ADGRL3: variants seen among roughly 807,000 people sequenced by gnomAD.
ADGRL3 encodes adhesion G protein-coupled receptor L3.
ADGRL3 carries 62 observed loss-of-function variants against 153.5 expected under a neutral mutation model. That is an observed-to-expected ratio of 0.40 (90% CI 0.33 to 0.50). The LOEUF (loss-of-function observed/expected upper bound fraction) is 0.50. ADGRL3 is among the 20% of genes least tolerant of loss of function. The pLI is 0.47. For missense variants in ADGRL3, 1,641 were observed against 1,859.4 expected, an observed-to-expected ratio of 0.88 and a Z score of 2.16; for synonymous variants, 710 against 672.5, an observed-to-expected ratio of 1.06 and a Z score of -0.86.
intron 2 of ADGRL3, among the ~76,000 whole-genome samples, chr4:61,399,005 G>C (rs2096899482): frequency 1.3e-5 from 2 of 151,354 alleles, no homozygotes; most frequent in Admixed American, 6.6e-5. Flanking sequence ...ACTTACTCTT[G>C]GGTTACTTGA....
chr4:61,382,402 C>T (rs1274800898), intron 1 of ADGRL3, among the ~76,000 whole-genome samples: 4 of 151,278 alleles, frequency 2.6e-5, no homozygotes, highest in African/African-American at 9.7e-5. Flanking sequence ...GTTGCAAAAC[C>T]ATTAGAAAAT....
intron 17 of ADGRL3, among the ~76,000 whole-genome samples, chr4:61,957,550 T>TATTG (rs2098972181): frequency 8.3e-5 from 1 of 12,036 alleles, no homozygotes; most frequent in Admixed American, 2.1e-3. Flanking sequence ...TACATTTATG[T>TATTG]ATTTATTTAT....
chr4:61,329,896 C>T (rs529785170), intron 1 of ADGRL3, among the ~76,000 whole-genome samples: 9 of 152,260 alleles, frequency 5.9e-5, no homozygotes, highest in Admixed American at 2.0e-4. Flanking sequence ...TACAAACACA[C>T]CTCAGAAAAC....
At chr4:61,863,722 A>G (rs2098372371) in intron 9 of ADGRL3, among the ~76,000 whole-genome samples, 1 of 152,212 alleles carries the variant, frequency 6.6e-6, no homozygotes, top group African/African-American at 2.4e-5. Flanking sequence ...GGCATTTTGT[A>G]ACTTTAAGGT....
chr4:61,712,578 A>G (rs903664611), intron 6 of ADGRL3, among the ~76,000 whole-genome samples: 1 of 152,192 alleles, frequency 6.6e-6, no homozygotes, highest in African/African-American at 2.4e-5. Context: ...AGTGCTCAGT[A>G]CAATGCCAAG....
intron 9 of ADGRL3, among the ~76,000 whole-genome samples, chr4:61,847,312 T>C (rs1318572359): frequency 6.6e-6 from 1 of 151,398 alleles, no homozygotes; most frequent in Non-Finnish European, 1.5e-5. Flanking sequence ...AAGTGCTAAC[T>C]TGAATAAATT....
At chr4:61,710,407 C>G (rs1036837604) in intron 6 of ADGRL3, among the ~76,000 whole-genome samples, 2 of 152,102 alleles carry the variant, frequency 1.3e-5, no homozygotes, top group Non-Finnish European at 2.9e-5. Context: ...TTTGGAATGT[C>G]CCTTATTCTC....
At chr4:61,850,534 TC>T (rs2098189423) in intron 9 of ADGRL3, among the ~76,000 whole-genome samples, 1 of 152,180 alleles carries the variant, frequency 6.6e-6, no homozygotes, top group Non-Finnish European at 1.5e-5. Context: ...CTATTTTAGC[TC>T]CTGTGTCTAA....
intron 4 of ADGRL3, among the ~76,000 whole-genome samples, chr4:61,548,793 C>T (rs1431990572): frequency 6.6e-6 from 1 of 151,528 alleles, no homozygotes; most frequent in Non-Finnish European, 1.5e-5. Context: ...TTAGGATTGC[C>T]TTGGCTATTT....
chr4:61,955,144 A>T (rs2098961422), intron 17 of ADGRL3, among the ~76,000 whole-genome samples: 1 of 152,156 alleles, frequency 6.6e-6, no homozygotes, highest in South Asian at 2.1e-4. Context: ...CTAAATTTTA[A>T]TTCTTTCCTA....
chr4:61,561,068 G>C (rs1228780436), intron 4 of ADGRL3, among the ~76,000 whole-genome samples: 1 of 152,030 alleles, frequency 6.6e-6, no homozygotes, highest in Non-Finnish European at 1.5e-5. Context: ...TTATTAATAA[G>C]GTTGATCAGT....
intron 1 of ADGRL3, among the ~76,000 whole-genome samples, chr4:61,267,636 T>A (rs2092928997): frequency 1.3e-5 from 2 of 151,642 alleles, no homozygotes; most frequent in Admixed American, 1.3e-4. Context: ...CTTTTCCTGA[T>A]ATCATGATTC....
At chr4:61,871,520 A>G (rs2098445438) in intron 9 of ADGRL3, among the ~76,000 whole-genome samples, 1 of 152,186 alleles carries the variant, frequency 6.6e-6, no homozygotes, top group Admixed American at 6.5e-5. Context: ...CGGTCACTAA[A>G]GGCACATACT....
At chr4:61,622,085 G>A (rs2092558055) in intron 5 of ADGRL3, among the ~76,000 whole-genome samples, 1 of 152,144 alleles carries the variant, frequency 6.6e-6, no homozygotes, top group Admixed American at 6.5e-5. Flanking sequence ...AACCAAGTTA[G>A]AGGCATGTGT....
intron 13 of ADGRL3, among the ~76,000 whole-genome samples, chr4:61,926,400 A>G (rs937746053): frequency 1.3e-5 from 2 of 152,186 alleles, no homozygotes; most frequent in African/African-American, 4.8e-5. Flanking sequence ...CTCCTTGACT[A>G]TCCCAAATTC....
chr4:61,822,021 G>T (rs1289017774), intron 9 of ADGRL3, among the ~76,000 whole-genome samples: 1 of 152,144 alleles, frequency 6.6e-6, no homozygotes, highest in Non-Finnish European at 1.5e-5. Flanking sequence ...TCTCCTTGAA[G>T]AGTCTGCAGG....
At chr4:62,013,686 G>A (rs1233155843) in intron 21 of ADGRL3, among the ~76,000 whole-genome samples, 4 of 151,820 alleles carry the variant, frequency 2.6e-5, no homozygotes, top group Admixed American at 6.6e-5. Flanking sequence ...TCAAGAGGTC[G>A]AGATCATTCT....
intron 25 of ADGRL3, among the ~76,000 whole-genome samples, chr4:62,057,821 G>A (rs1020518756): frequency 6.6e-6 from 1 of 151,988 alleles, no homozygotes; most frequent in African/African-American, 2.4e-5. Flanking sequence ...GGTACTACAG[G>A]CACACTCCGC....
intron 1 of ADGRL3, among the ~76,000 whole-genome samples, chr4:61,226,740 A>G (rs1748137591): frequency 6.6e-6 from 1 of 152,126 alleles, no homozygotes; most frequent in Non-Finnish European, 1.5e-5. Context: ...TCAGGTGGGA[A>G]TGTGGCATGA....
Sources: gnomAD v4.1 joint callset for allele counts (sites outside exome capture counted in the v4.1 genomes callset) on GRCh38, gnomAD v4.1.1 for gene constraint, MANE v1.5 for transcripts, NCBI Gene and HGNC (gene_info 2026-07-23, HGNC 2026-07-21) for gene names.